Variants in TFRC observed in about 807,000 individuals in gnomAD.
TFRC encodes the protein transferrin receptor, also known as transferrin receptor protein 1.
Under a neutral mutation model 85.8 loss-of-function variants are expected in TFRC, and 35 were observed. The ratio of observed to expected loss-of-function variants is 0.41; its 90% CI spans 0.31 to 0.54. The LOEUF is 0.54. Ranked by LOEUF, TFRC falls within the 20% of genes least tolerant of loss-of-function variation. TFRC has a pLI of 0.31. For missense variants in TFRC, 828 were observed against 921.5 expected, an observed-to-expected ratio of 0.90 and a Z score of 1.31; for synonymous variants, 362 against 328.6, an observed-to-expected ratio of 1.10 and a Z score of -1.10.
intron 10 of TFRC, 26 bp downstream of exon 10, chr3:196,065,417 C>CCG: frequency 2.7e-6 from 1 of 371,446 alleles, no homozygotes; most frequent in Non-Finnish European, 3.6e-6. Context: ...AAAAGCGGGG[C>CCG]GGGGGGGGGG....
chr3:196,052,326 T>A lies in TFRC; in HGVS notation c.2041-142A>T, dbSNP rs528513935. 8.3e-6 allele frequency: 8 copies of A among 960,428 alleles called. No homozygotes were observed. The East Asian group carries it at 2.2e-4, about 26-fold the overall frequency. 59.5% of individuals were successfully genotyped at this position (960,428 alleles called of 1,614,324 possible). A position where few individuals can be genotyped will look rare whatever the true frequency, so the allele number is the denominator to read the frequency against. ...TTTTTTTTTTTTTTTGACACAGAGT[T>A]TCGCTCTTGTTGCCCAGACTGGAGT... On this transcript the variant is annotated intron_variant, in intron 18 of 18. Coordinates refer to ENST00000360110, the MANE Select transcript of TFRC (RefSeq NM_001128148.3).
At chr3:196,055,840 G>T (rs1241886192) in intron 16 of TFRC, among the ~76,000 whole-genome samples, 1 of 145,824 alleles carries the variant, frequency 6.9e-6, no homozygotes, top group African/African-American at 2.6e-5. Context: ...ATGCAATCAT[G>T]ACTCCCTGCA....
chr3:196,070,985 C>A (rs1718154637), intron 6 of TFRC, among the ~76,000 whole-genome samples: 2 of 152,020 alleles, frequency 1.3e-5, no homozygotes, highest in African/African-American at 4.8e-5. Flanking sequence ...ACGAATCAAG[C>A]TAAGACTAGG....
intron 1 of TFRC, among the ~76,000 whole-genome samples, chr3:196,078,386 C>T (rs1718884851): frequency 6.6e-6 from 1 of 152,136 alleles, no homozygotes; most frequent in South Asian, 2.1e-4. Flanking sequence ...TGGCCAGGCA[C>T]GGTGGCTCAT....
At position 196,055,191 on chromosome 3, in the gene TFRC, C is replaced by T. The variant is rs749500628; in HGVS notation, c.1788G>A (p.Gln596=). 7.4e-6 allele frequency: 12 copies of T among 1,614,230 alleles called. No individual in the cohort carries two copies. The highest frequency in any genetic ancestry group is 1.0e-5 in the Non-Finnish European group (12 of 1,180,038). ...VARAAAEVAG[Q]FVIKLTHDVE... ...CATCATGGGTTAGTTTAATCACGAA[C>T]TGACCAGCGACCTCTGCAGCTGCTC... The change falls in exon 17 of 19, where the codon CAG becomes CAA. Residue 596 remains glutamine, a synonymous_variant. Transcript: ENST00000360110.
chr3:196,071,252 A>G (rs1231213904), intron 6 of TFRC, 144 bp downstream of exon 6: 10 of 630,294 alleles, frequency 1.6e-5, no homozygotes, highest in Non-Finnish European at 2.2e-5. Context: ...ATGCATGTTG[A>G]CTGTGTCATT....
At chr3:196,065,211 G>A (rs529242838) in intron 10 of TFRC, among the ~76,000 whole-genome samples, 15 of 150,102 alleles carry the variant, frequency 1.0e-4, no homozygotes, top group African/African-American at 2.7e-4. Flanking sequence ...GCAGTGAGCC[G>A]AGATCACACC....
chr3:196,075,054 A>T, intron 3 of TFRC, 105 bp downstream of exon 3: 1 of 888,658 alleles, frequency 1.1e-6, no homozygotes, highest in Non-Finnish European at 1.7e-6. Context: ...TCCAAAAAAA[A>T]AAAAAAAAAA....
chr3:196,067,150 C>T (rs1278164239), intron 9 of TFRC, among the ~76,000 whole-genome samples: 3 of 152,170 alleles, frequency 2.0e-5, no homozygotes, highest in African/African-American at 4.8e-5. Context: ...ATGGATGTTT[C>T]GGGGAATAGG....
In TFRC at chr3:196,058,609, T is replaced by C. The variant is rs901188989; in HGVS notation, c.1560A>G (p.Gln520=). The part of the protein sequence containing the change: ...MQNVKHPVTG[Q]FLYQDSNWAS... ...CCCAGTTGCTGTCCTGATATAGAAATTGCCCAGTAACCGGATGCTTCACCT... is the reference window on the plus strand; with the variant it reads ...CCCAGTTGCTGTCCTGATATAGAAACTGCCCAGTAACCGGATGCTTCACCT... Residue 520 remains glutamine, a synonymous_variant, in exon 15 of 19, where the codon CAA becomes CAG. Transcript: ENST00000360110. 116 of 1,611,324 alleles carry C rather than the reference T, an allele frequency of 7.2e-5. No homozygotes were observed. The highest frequency in any genetic ancestry group is 9.6e-5 in the Non-Finnish European group (113 of 1,179,176).
chr3:196,059,591 T>A (rs931909540), intron 14 of TFRC, among the ~76,000 whole-genome samples: 5 of 151,838 alleles, frequency 3.3e-5, no homozygotes, highest in African/African-American at 1.2e-4. Flanking sequence ...TAGGCAAATA[T>A]TTTCTTTTTT....
rs1313170154 is a variant in TFRC at position 196,058,650 on chromosome 3, A to T, written c.1537-18T>A. On this transcript the variant is annotated intron_variant, in intron 14 of 18. Transcript: ENST00000360110. ...TGCTTCACCTGTAAGATAAGAAATT[A>T]TCATTAAAACTAACCTTTTGGAACT... The T allele has an allele frequency of 6.3e-6, 10 of 1,598,384 alleles. No homozygotes were observed. Among genetic ancestry groups the T allele is most frequent in the African/African-American group, 1.3e-5 (1 of 74,400 alleles).
At chr3:196,067,794 T>C in intron 8 of TFRC, 137 bp from the exon 9 acceptor site, 1 of 980,748 alleles carries the variant, frequency 1.0e-6, no homozygotes, top group Non-Finnish European at 1.5e-6. Context: ...GGCTCTACAA[T>C]GTGACTCCTG....
chr3:196,067,951 A>G, intron 8 of TFRC, 81 bp downstream of exon 8: 1 of 1,146,028 alleles, frequency 8.7e-7, no homozygotes, highest in Non-Finnish European at 1.3e-6. Flanking sequence ...TAAGGAAGAC[A>G]CAGTGCTATT....
intron 12 of TFRC, 21 bp from the exon 13 acceptor site, chr3:196,062,666 CTAATAAGTA>C: frequency 6.3e-7 from 1 of 1,593,252 alleles, no homozygotes; most frequent in Admixed American, 1.8e-5. Flanking sequence ...AGGGAAAACA[CTAATAAGTA>C]TAAATCTGTT....
At chr3:196,073,036 C>CAAAAAAAA (rs56723183) in intron 4 of TFRC, among the ~76,000 whole-genome samples, 1 of 72,152 alleles carries the variant, frequency 1.4e-5, no homozygotes, top group African/African-American at 4.9e-5. Context: ...CCCGTTTCTG[C>CAAAAAAAA]AAAAAAAAAA....
At position 196,060,226 on chromosome 3, in the gene TFRC, G is replaced by A. The variant is rs753887498; in HGVS notation, c.1490C>T (p.Ser497Phe). Reference sequence around the variant, plus strand: ...AAGCGTATACAACAGTGGGCTGGCAGAAACCTTGAAGTTGCTGGTACCTGA... The same window carrying A: ...AAGCGTATACAACAGTGGGCTGGCAAAAACCTTGAAGTTGCTGGTACCTGA... ...AVLGTSNFKV[S>F]ASPLLYTLIE... The change falls in exon 14 of 19, where the codon TCT (serine) becomes TTT (phenylalanine). Residue 497 changes from serine (S) to phenylalanine (F), a missense_variant. By Grantham distance (155) the Ser-to-Phe change is radical. Coordinates refer to ENST00000360110, the MANE Select transcript of TFRC (RefSeq NM_001128148.3). 3 of 1,614,042 alleles carry A rather than the reference G, an allele frequency of 1.9e-6. No individual in the cohort carries two copies. The highest frequency in any genetic ancestry group is 2.5e-6 in the Non-Finnish European group (3 of 1,179,964).
At chr3:196,054,635 G>A (rs3326) in intron 17 of TFRC, among the ~76,000 whole-genome samples, 44,908 of 152,056 alleles carry the variant, frequency 0.3, 7,383 homozygotes, top group Non-Finnish European at 0.38. Context: ...CTGGGGCTAC[G>A]GGTATGCACC....
chr3:196,061,639 G>A (rs1009231094), intron 13 of TFRC, among the ~76,000 whole-genome samples: 1 of 152,018 alleles, frequency 6.6e-6, no homozygotes, highest in African/African-American at 2.4e-5. Flanking sequence ...ACAGGTACTC[G>A]CCACCACACC....
Sources: allele counts gnomAD v4.1 joint callset (sites outside exome capture counted in the v4.1 genomes callset), GRCh38; gene constraint gnomAD v4.1.1; transcripts MANE v1.5; gene names NCBI Gene and HGNC (gene_info 2026-07-23, HGNC 2026-07-21).